CRIM1: variants seen among roughly 807,000 people sequenced by gnomAD.
The protein encoded by CRIM1 is cysteine rich transmembrane BMP regulator 1.
A neutral mutation model predicts 116.4 loss-of-function variants in CRIM1; 32 were observed. The observed-to-expected ratio is 0.27, with a 90% CI of 0.21 to 0.37. The LOEUF is 0.37. Among genes scored for constraint, CRIM1 ranks in the 10% least tolerant of loss-of-function variants. CRIM1 has a pLI of 1.00. For synonymous variants in CRIM1, 590 were observed against 509.2 expected (o/e 1.16, Z -2.13); for missense variants, 1,331 against 1,354.8 (o/e 0.98, Z 0.28).
At chr2:36,415,367 A>G (rs1673533061) in intron 2 of CRIM1, among the ~76,000 whole-genome samples, 1 of 152,256 alleles carries the variant, frequency 6.6e-6, no homozygotes, top group African/African-American at 2.4e-5. Context: ...TACCTGGAAC[A>G]CATCAGTAAA....
chr2:36,516,015 C>T (rs1013950157), intron 11 of CRIM1, among the ~76,000 whole-genome samples: 2 of 152,198 alleles, frequency 1.3e-5, no homozygotes, highest in African/African-American at 4.8e-5. Context: ...GTTACAGTTG[C>T]TTGTGAATGT....
In CRIM1 at chr2:36,486,643, C is replaced by T. The variant is rs559146094; in HGVS notation, c.1372+6949C>T. Among the ~76,000 whole-genome samples the T allele has an allele frequency of 2.6e-5, 4 of 152,210 alleles. No homozygotes were observed. The East Asian group carries it at 7.7e-4, about 29-fold the overall frequency. ...CAAGGGGGTGGGTTGCTCTTTATTT[C>T]CTCTGCTGTCTACTTCCCATACCTA... On this transcript the variant is annotated intron_variant, in intron 7 of 16. Transcript: ENST00000280527.
At chr2:36,471,863 A>G (rs1678550813) in intron 5 of CRIM1, among the ~76,000 whole-genome samples, 1 of 152,194 alleles carries the variant, frequency 6.6e-6, no homozygotes, top group South Asian at 2.1e-4. Flanking sequence ...TACAGTGTAA[A>G]CATAACTTTT....
chr2:36,508,424 G>A (rs985036434), intron 8 of CRIM1, among the ~76,000 whole-genome samples: 4 of 152,210 alleles, frequency 2.6e-5, no homozygotes, highest in African/African-American at 9.6e-5. Flanking sequence ...TAATATAAGT[G>A]TGTTTTGAGG....
intron 4 of CRIM1, among the ~76,000 whole-genome samples, chr2:36,447,736 C>CCACAAA (rs1480989992): frequency 6.6e-6 from 1 of 152,172 alleles, no homozygotes; most frequent in Admixed American, 6.5e-5. Flanking sequence ...ATGAGATAAG[C>CCACAAA]CACAAAGAAT....
At chr2:36,437,113 C>T (rs887861402) in intron 2 of CRIM1, among the ~76,000 whole-genome samples, 2 of 152,210 alleles carry the variant, frequency 1.3e-5, no homozygotes, top group Non-Finnish European at 2.9e-5. Context: ...CGGTGGCGCA[C>T]GCCTGTCATC....
chr2:36,465,232 G>A (rs898356439), intron 5 of CRIM1, among the ~76,000 whole-genome samples: 8 of 152,202 alleles, frequency 5.3e-5, no homozygotes, highest in Admixed American at 1.3e-4. Context: ...CTTGGGTCAC[G>A]AGATTCCTTC....
chr2:36,364,909 T>C (rs1490452107), intron 1 of CRIM1, among the ~76,000 whole-genome samples: 1 of 152,194 alleles, frequency 6.6e-6, no homozygotes, highest in Non-Finnish European at 1.5e-5. Context: ...ATAATATTAA[T>C]TTTAATTTCC....
intron 3 of CRIM1, 75 bp from the exon 4 acceptor site, chr2:36,442,540 C>T (rs1175235085): frequency 5.7e-6 from 9 of 1,569,176 alleles, no homozygotes; most frequent in Admixed American, 1.7e-5. Flanking sequence ...TTGTCAAGAG[C>T]TAGTATTTCA....
chr2:36,384,069 A>G (rs1670986035), intron 1 of CRIM1, among the ~76,000 whole-genome samples: 1 of 152,252 alleles, frequency 6.6e-6, no homozygotes, highest in Admixed American at 6.5e-5. Context: ...AGAAAAATAA[A>G]GCTGAGAAAG....
At chr2:36,508,862 A>G (rs2125104349) in intron 8 of CRIM1, among the ~76,000 whole-genome samples, 1 of 152,294 alleles carries the variant, frequency 6.6e-6, no homozygotes, top group Non-Finnish European at 1.5e-5. Flanking sequence ...CTAAAATAGT[A>G]TTGTAACTGA....
intron 1 of CRIM1, among the ~76,000 whole-genome samples, chr2:36,373,504 A>G (rs540882686): frequency 9.2e-5 from 14 of 152,332 alleles, no homozygotes; most frequent in African/African-American, 2.9e-4. Context: ...TGACTGGCCT[A>G]TCGTTCCTAC....
chr2:36,415,003 G>T (rs1030241367), intron 2 of CRIM1, among the ~76,000 whole-genome samples: 1 of 152,202 alleles, frequency 6.6e-6, no homozygotes, highest in Non-Finnish European at 1.5e-5. Flanking sequence ...AGTAGAATCA[G>T]AAACATTATT....
chr2:36,472,215 A>G (rs1678583494), intron 5 of CRIM1, among the ~76,000 whole-genome samples: 2 of 152,156 alleles, frequency 1.3e-5, no homozygotes, highest in Non-Finnish European at 2.9e-5. Context: ...ATCCACTTAA[A>G]TCATCCTTTT....
intron 13 of CRIM1, among the ~76,000 whole-genome samples, chr2:36,527,970 A>G (rs1288715872): frequency 6.6e-6 from 1 of 152,162 alleles, no homozygotes; most frequent in African/African-American, 2.4e-5. Flanking sequence ...TCTCGGTGAT[A>G]TGATGTAACC....
rs544994188 is a variant in CRIM1, at chr2:36,522,258, T to G, written c.2373T>G (p.Ser791=). 2 of 1,614,220 alleles carry G rather than the reference T, an allele frequency of 1.2e-6. No homozygotes were observed. The highest frequency in any genetic ancestry group is 2.2e-5 in the South Asian group (2 of 91,082). ...GCTGTTTCTCTGAGTCCTGCCCTTC[T>G]GTATCCTGTGAAAGACCTGTCTTGA... The part of the protein sequence containing the change: ...VISCFSESCP[S]VSCERPVLRK... Residue 791 remains serine, a synonymous_variant, in exon 13 of 17, where the codon TCT becomes TCG. Transcript: ENST00000280527.
At chr2:36,415,641 T>C (rs1466059488) in intron 2 of CRIM1, among the ~76,000 whole-genome samples, 1 of 152,280 alleles carries the variant, frequency 6.6e-6, no homozygotes, top group African/African-American at 2.4e-5. Context: ...AGAATCCCGG[T>C]GGAACCAAGG....
intron 8 of CRIM1, among the ~76,000 whole-genome samples, chr2:36,501,256 T>G (rs981381266): frequency 6.6e-6 from 1 of 152,206 alleles, no homozygotes; most frequent in Non-Finnish European, 1.5e-5. Context: ...CACTTTCTGA[T>G]TTATCAGTTA....
intron 14 of CRIM1, among the ~76,000 whole-genome samples, chr2:36,542,680 G>C (rs139330507): frequency 6.6e-6 from 1 of 152,348 alleles, no homozygotes; most frequent in African/African-American, 2.4e-5. Context: ...GGAAGGCTCA[G>C]TGTGAAGCCC....
Sources: allele counts gnomAD v4.1 joint callset (sites outside exome capture counted in the v4.1 genomes callset), GRCh38; gene constraint gnomAD v4.1.1; transcripts MANE v1.5; gene names NCBI Gene and HGNC (gene_info 2026-07-23, HGNC 2026-07-21).